Variants in FMN2 observed in about 807,000 individuals in gnomAD.
The protein encoded by FMN2 is formin 2.
Under a neutral mutation model 142.3 loss-of-function variants are expected in FMN2, and 51 were observed. The ratio of observed to expected loss-of-function variants is 0.36; its 90% CI spans 0.29 to 0.45. The LOEUF is 0.45. Ranked by LOEUF, FMN2 falls within the 20% of genes least tolerant of loss-of-function variation. The pLI, the probability that FMN2 is intolerant of heterozygous loss-of-function variation, is 1.00. For missense variants in FMN2, 1,936 were observed against 2,122.8 expected, an observed-to-expected ratio of 0.91 and a Z score of 1.73; for synonymous variants, 882 against 869.8, an observed-to-expected ratio of 1.01 and a Z score of -0.25.
Position 240,093,616 on chromosome 1 carries a change from C to T in FMN2, c.1507C>T (p.Leu503=). ...CCGGGTGGGAGGCTCCGCGCACCTG[C>T]TGGAGCGCGGGGTGGCGAGTGACAG... ...TPRVGGSAHL[L]ERGVASDSGG... is the part of the protein sequence containing the mutation. Residue 503 remains leucine, a synonymous_variant, in exon 1 of 18, where the codon CTG becomes TTG. Transcript: ENST00000319653. The T allele has an allele frequency of 7.0e-7, 1 of 1,426,698 alleles. No homozygotes were observed. The highest frequency in any genetic ancestry group is 9.1e-7 in the Non-Finnish European group (1 of 1,101,136). The allele number at this position is 1,426,698 out of a possible 1,614,324, so 88.4% of individuals were successfully genotyped here. A position where few individuals can be genotyped will look rare whatever the true frequency, so the allele number is the denominator to read the frequency against.
At chr1:240,442,119 C>T (rs752363415) in intron 16 of FMN2, among the ~76,000 whole-genome samples, 4 of 152,054 alleles carry the variant, frequency 2.6e-5, no homozygotes, top group Non-Finnish European at 5.9e-5. Flanking sequence ...TTTCAAATGT[C>T]CTCTCTCTAT....
intron 13 of FMN2, among the ~76,000 whole-genome samples, chr1:240,348,411 C>T (rs534314327): frequency 6.6e-6 from 1 of 151,934 alleles, no homozygotes; most frequent in Non-Finnish European, 1.5e-5. Flanking sequence ...TTAGTAGATA[C>T]AGGGTTTCGC....
At chr1:240,439,793 AG>A (rs1675544801) in intron 16 of FMN2, among the ~76,000 whole-genome samples, 2 of 150,064 alleles carry the variant, frequency 1.3e-5, no homozygotes, top group Admixed American at 6.7e-5. Context: ...TACCAAAAAC[AG>A]GCTTGCTCAG....
At chr1:240,143,062 G>C in intron 2 of FMN2, 1 of 1,502,298 alleles carries the variant, frequency 6.7e-7, no homozygotes, top group Middle Eastern at 1.7e-4. Flanking sequence ...TAGGGGCAGA[G>C]GGTAAGTGTA....
intron 14 of FMN2, among the ~76,000 whole-genome samples, chr1:240,373,633 G>C (rs892971042): frequency 6.6e-6 from 1 of 152,140 alleles, no homozygotes; most frequent in African/African-American, 2.4e-5. Context: ...TTCATCATGA[G>C]CGATTTGCTG....
At chr1:240,144,155 C>G (rs1337773777) in intron 2 of FMN2, 3 of 1,383,874 alleles carry the variant, frequency 2.2e-6, no homozygotes, top group Non-Finnish European at 3.1e-6. Flanking sequence ...CAGCTGCACT[C>G]AACATTCCGT....
chr1:240,211,140 G>C lies in FMN2; in HGVS notation c.3970G>C (p.Asp1324His), dbSNP rs1196208939. The C allele has an allele frequency of 6.2e-6, 10 of 1,613,468 alleles. No individual in the cohort carries two copies. Among genetic ancestry groups the C allele is most frequent in the South Asian group, 3.3e-5 (3 of 91,032 alleles). ...GGAAAAAATTGAAGAGCCATCCATAGATTGTCATGAATTTGAGGAATTATT... is the reference window on the plus strand; with the variant it reads ...GGAAAAAATTGAAGAGCCATCCATACATTGTCATGAATTTGAGGAATTATT... The part of the protein sequence containing the change: ...IWEKIEEPSI[D>H]CHEFEELFSK... Residue 1324 changes from aspartate (D) to histidine (H), a missense_variant, in exon 6 of 18, where the codon GAT becomes CAT. By Grantham distance (81) the Asp-to-His change is moderately conservative. Around this residue, in one of 8 missense-constraint regions of FMN2, gnomAD observed 259 missense variants for 230.9 expected, o/e 1.12. Coordinates refer to ENST00000319653, the MANE Select transcript of FMN2 (RefSeq NM_020066.5).
intron 15 of FMN2, among the ~76,000 whole-genome samples, chr1:240,419,817 C>A (rs1466251501): frequency 2.0e-5 from 3 of 152,120 alleles, no homozygotes; most frequent in Admixed American, 6.5e-5. Context: ...GTTCTGGGAA[C>A]TGATCAAGGA....
At chr1:240,245,291 A>G (rs911540160) in intron 6 of FMN2, 1 of 351,476 alleles carries the variant, frequency 2.8e-6, no homozygotes, top group Admixed American at 3.9e-5. Flanking sequence ...TGAAGGCAGT[A>G]CAGAATGCTG....
intron 6 of FMN2, among the ~76,000 whole-genome samples, chr1:240,221,867 T>TA (rs891400400): frequency 2.9e-5 from 4 of 139,246 alleles, no homozygotes; most frequent in Admixed American, 7.2e-5. Flanking sequence ...TTTTTTTTTT[T>TA]AATGAAGTCT....
At chr1:240,436,301 T>C (rs1675368257) in intron 15 of FMN2, among the ~76,000 whole-genome samples, 1 of 152,218 alleles carries the variant, frequency 6.6e-6, no homozygotes, top group South Asian at 2.1e-4. Context: ...ATCCACACAT[T>C]TGATTAAATC....
chr1:240,121,947 T>C (rs1489215348), intron 1 of FMN2, among the ~76,000 whole-genome samples: 1 of 151,868 alleles, frequency 6.6e-6, no homozygotes, highest in Non-Finnish European at 1.5e-5. Flanking sequence ...TGATGGACAC[T>C]GTGAATGTCA....
At chr1:240,432,946 G>A (rs9727462) in intron 15 of FMN2, among the ~76,000 whole-genome samples, 121,340 of 151,982 alleles carry the variant, frequency 0.8, 48,901 homozygotes, top group Middle Eastern at 0.89. Context: ...TCTACCATTG[G>A]TCATAATGTT....
chr1:240,109,156 G>C (rs1425070576), intron 1 of FMN2, among the ~76,000 whole-genome samples: 1 of 152,170 alleles, frequency 6.6e-6, no homozygotes, highest in Non-Finnish European at 1.5e-5. Context: ...TGCTATCATA[G>C]GACATAAAAC....
At chr1:240,433,073 C>T (rs1036533541) in intron 15 of FMN2, among the ~76,000 whole-genome samples, 1 of 152,090 alleles carries the variant, frequency 6.6e-6, no homozygotes, top group Non-Finnish European at 1.5e-5. Flanking sequence ...ATATCCAATT[C>T]GATGATGATT....
At chr1:240,442,781 A>C (rs1393883592) in intron 16 of FMN2, among the ~76,000 whole-genome samples, 1 of 152,214 alleles carries the variant, frequency 6.6e-6, no homozygotes, top group Non-Finnish European at 1.5e-5. Context: ...TATATTTCTC[A>C]AAATAGTGAA....
chr1:240,137,820 G>A (rs1010475952), intron 2 of FMN2, among the ~76,000 whole-genome samples: 3 of 152,002 alleles, frequency 2.0e-5, no homozygotes, highest in South Asian at 2.1e-4. Flanking sequence ...GGCCAGGGGC[G>A]GTAGCTCACA....
chr1:240,092,557 G>A lies in FMN2; in HGVS notation c.448G>A (p.Ala150Thr). Reference protein sequence around the residue: ...EVTGPGGPGPAEARVGGRPIA... With the variant: ...EVTGPGGPGPTEARVGGRPIA... The stretch of plus-strand genomic sequence containing the variant: ...GACCGGTCCAGGGGGTCCTGGGCCT[G>A]CCGAGGCTAGGGTCGGGGGCCGGCC... The change falls in exon 1 of 18, where the codon GCC becomes ACC. Residue 150 changes from alanine (A) to threonine (T), a missense_variant. Ala to Thr is a moderately conservative substitution (Grantham distance 58). This residue lies in a region of FMN2 where 751 missense variants were observed against 791.8 expected (regional missense o/e 0.95). Transcript: ENST00000319653. 2 of 1,613,126 alleles carry A rather than the reference G, an allele frequency of 1.2e-6. No homozygotes were observed. The highest frequency in any genetic ancestry group is 1.3e-5 in the African/African-American group (1 of 75,044).
intron 15 of FMN2, among the ~76,000 whole-genome samples, chr1:240,402,344 A>G (rs915472109): frequency 1.3e-5 from 2 of 152,204 alleles, no homozygotes; most frequent in Admixed American, 1.3e-4. Flanking sequence ...CATTTTTGCT[A>G]TTAATCTAGA....
Sources: allele counts gnomAD v4.1 joint callset (sites outside exome capture counted in the v4.1 genomes callset), GRCh38; gene constraint gnomAD v4.1.1; regional missense constraint gnomAD v4.1.1; transcripts MANE v1.5; gene names NCBI Gene and HGNC (gene_info 2026-07-23, HGNC 2026-07-21).